The following DCAF17 variants were observed in gnomAD, a reference collection of about 807,000 sequenced individuals.
DCAF17 encodes DDB1 and CUL4 associated factor 17.
DCAF17 carries 48 observed loss-of-function variants against 66.0 expected under a neutral mutation model. That is an observed-to-expected ratio of 0.73 (90% CI 0.58 to 0.92). The LOEUF (loss-of-function observed/expected upper bound fraction) is 0.92, where lower values mean the gene tolerates loss of function less well. Ranked by LOEUF, DCAF17 falls within the 40% of genes least tolerant of loss-of-function variation. DCAF17 has a pLI of 0.00. For missense variants in DCAF17, 562 were observed against 622.8 expected (o/e 0.90, Z 1.04); for synonymous variants, 206 against 214.6 (o/e 0.96, Z 0.35).
intron 8 of DCAF17, among the ~76,000 whole-genome samples, chr2:171,462,694 CT>C (rs1406612716): frequency 2.0e-5 from 3 of 152,150 alleles, no homozygotes; most frequent in Non-Finnish European, 4.4e-5. Context: ...AACCCAGCAA[CT>C]TCAGTACTAG....
intron 5 of DCAF17, among the ~76,000 whole-genome samples, chr2:171,452,112 C>A (rs1694988833): frequency 6.6e-6 from 1 of 152,050 alleles, no homozygotes; most frequent in Admixed American, 6.5e-5. Context: ...AAGGGAGAAT[C>A]TTTTGGGCTT....
At chr2:171,467,858 G>C (rs545333554) in intron 8 of DCAF17, among the ~76,000 whole-genome samples, 1 of 151,440 alleles carries the variant, frequency 6.6e-6, no homozygotes, top group South Asian at 2.1e-4. Flanking sequence ...GCTCTAAGTA[G>C]TACATTGTCC....
At position 171,481,053 on chromosome 2, in the gene DCAF17, A is replaced by T. The variant is rs192590459; in HGVS notation, c.1502A>T (p.Tyr501Phe). 1.2e-6 allele frequency: 2 copies of T among 1,613,818 alleles called. No individual in the cohort carries two copies. Among genetic ancestry groups the T allele is most frequent in the South Asian group, 1.1e-5 (1 of 91,076 alleles). The change falls in exon 14 of 14, where the codon TAT becomes TTT. Residue 501 changes from tyrosine (Y) to phenylalanine (F), a missense_variant. Tyr to Phe is a conservative substitution (Grantham distance 22). Transcript: ENST00000375255. Reference sequence around the variant, plus strand: ...AAACCCAACAGAGTCTTCAGCTGCTATGTTTACCAGATGATATGTGACACT... The same window carrying T: ...AAACCCAACAGAGTCTTCAGCTGCTTTGTTTACCAGATGATATGTGACACT... ...EQKPNRVFSC[Y>F]VYQMICDTGE...
chr2:171,468,976 TAAG>T lies in DCAF17; in HGVS notation c.933_935del (p.Lys312del), dbSNP rs1559285049. ...CTTGGCACTACATCGTCACACCTAATAAGAAGAAACAGAAAGGAGTTTTCCATA... is the reference window on the plus strand; with the variant it reads ...CTTGGCACTACATCGTCACACCTAATAAGAAACAGAAAGGAGTTTTCCATA... On this transcript the variant is annotated inframe_deletion, in exon 9 of 14. Coordinates refer to ENST00000375255, the MANE Select transcript of DCAF17 (RefSeq NM_025000.4). 3 of 1,613,944 alleles carry T rather than the reference TAAG, an allele frequency of 1.9e-6. No individual in the cohort carries two copies. The highest frequency in any genetic ancestry group is 4.5e-5 in the East Asian group (2 of 44,882).
At chr2:171,442,771 T>G (rs552834335) in intron 2 of DCAF17, among the ~76,000 whole-genome samples, 3 of 151,730 alleles carry the variant, frequency 2.0e-5, no homozygotes, top group Non-Finnish European at 4.4e-5. Context: ...TCCCAGTTAC[T>G]TGGGAGGCTG....
chr2:171,435,270 A>AG, intron 2 of DCAF17, 84 bp downstream of exon 2: 3 of 1,014,966 alleles, frequency 3.0e-6, no homozygotes, highest in Non-Finnish European at 4.7e-6. Flanking sequence ...TGCCTACATT[A>AG]GTGCCTAGTG....
In DCAF17 at chr2:171,476,850, C is replaced by G; in HGVS notation, c.1092-10C>G. On this transcript the variant is annotated splice_polypyrimidine_tract_variant and intron_variant, in intron 10 of 13. Coordinates refer to ENST00000375255, the MANE Select transcript of DCAF17 (RefSeq NM_025000.4). ...GTCTTAGGTTCTCAGAATCCTTTTT[C>G]CCTTCTCAGAGTTTTGAAGCTAACT... 6.2e-7 allele frequency: 1 copy of G among 1,604,856 alleles called. No homozygotes were observed. Among genetic ancestry groups the G allele is most frequent in the Non-Finnish European group, 8.5e-7 (1 of 1,171,958 alleles).
Position 171,444,505 on chromosome 2 carries a change from G to A in DCAF17, c.321+892G>A, listed in dbSNP as rs537344929. Among the ~76,000 whole-genome samples the A allele has an allele frequency of 1.6e-4, 25 of 152,252 alleles. No individual in the cohort carries two copies. In the South Asian group the frequency reaches 2.5e-3, roughly 15 times the overall value. ...TATAAGATAGATATGAAACATAAAT[G>A]AATTTTGTGTTTAGACTTGGGTCCC... On this transcript the variant is annotated intron_variant, in intron 3 of 13. Coordinates refer to ENST00000375255, the MANE Select transcript of DCAF17 (RefSeq NM_025000.4).
In DCAF17 at chr2:171,483,414, G is replaced by A. The variant is rs1411580937; in HGVS notation, c.*2300G>A. ...GCAGGTACAGACGTTACGCTGAAAA[G>A]AGGTGCATTCTGCATTGCACTCCTG... On this transcript the variant is annotated 3_prime_UTR_variant, in exon 14 of 14. Coordinates refer to ENST00000375255, the MANE Select transcript of DCAF17 (RefSeq NM_025000.4). 1 of 454,110 alleles carries A rather than the reference G, an allele frequency of 2.2e-6. No homozygotes were observed. The highest frequency in any genetic ancestry group is 6.9e-5 in the East Asian group (1 of 14,396). The allele number at this position is 454,110 out of a possible 1,614,324, so 28.1% of individuals were successfully genotyped here.
rs1375270689 is a variant in DCAF17 at position 171,481,728 on chromosome 2, G to T, written c.*614G>T. 2 of 453,760 alleles carry T rather than the reference G, an allele frequency of 4.4e-6. No individual in the cohort carries two copies. The highest frequency in any genetic ancestry group is 8.8e-6 in the Non-Finnish European group (2 of 226,656). 28.1% of individuals were successfully genotyped at this position (453,760 alleles called of 1,614,324 possible). A position where few individuals can be genotyped will look rare whatever the true frequency, so the allele number is the denominator to read the frequency against. On this transcript the variant is annotated 3_prime_UTR_variant, in exon 14 of 14. Coordinates refer to ENST00000375255, the MANE Select transcript of DCAF17 (RefSeq NM_025000.4). ...AAATTATCTTTTCTTCCTTGGTTTT[G>T]TTCTCTTGGCTTGATGTTCACATTG... is the stretch of plus-strand genomic sequence containing the variant.
chr2:171,480,518 C>G (rs1488783887), intron 13 of DCAF17, among the ~76,000 whole-genome samples: 2 of 152,084 alleles, frequency 1.3e-5, no homozygotes, highest in African/African-American at 4.8e-5. Flanking sequence ...CGGTAATCCC[C>G]ACAATTATTT....
rs1307703727 is a variant in DCAF17 at position 171,458,496 on chromosome 2, A to G, written c.838+19A>G. 6.4e-7 allele frequency: 1 copy of G among 1,569,628 alleles called. No homozygotes were observed. Among genetic ancestry groups the G allele is most frequent in the Admixed American group, 1.7e-5 (1 of 59,754 alleles). On this transcript the variant is annotated intron_variant, in intron 8 of 13. Coordinates refer to ENST00000375255, the MANE Select transcript of DCAF17 (RefSeq NM_025000.4). ...ATCACAGGTATGGCTACTCTATAGT[A>G]TTTTTTCACCTTAAAAAAATTAAGT...
At chr2:171,474,276 GA>G in intron 10 of DCAF17, 1 of 377,072 alleles carries the variant, frequency 2.7e-6, no homozygotes, top group South Asian at 2.6e-5. Context: ...TAAGAAAGAA[GA>G]GTATTTGTCT....
rs757589748 is a variant in DCAF17, at chr2:171,483,248, C to T, written c.*2134C>T. ...ATGTCTTCCTGCCCTACCTAAACCC[C>T]CTCTTTACCTGATATTTTAATTCGA... On this transcript the variant is annotated 3_prime_UTR_variant, in exon 14 of 14. Transcript: ENST00000375255. The T allele has an allele frequency of 1.1e-4, 48 of 453,968 alleles. No homozygotes were observed. The highest frequency in any genetic ancestry group is 8.0e-4 in the African/African-American group (40 of 49,976). The allele number at this position is 453,968 out of a possible 1,614,324, so 28.1% of individuals were successfully genotyped here.
chr2:171,475,787 G>A (rs1468606965), intron 10 of DCAF17, among the ~76,000 whole-genome samples: 2 of 152,054 alleles, frequency 1.3e-5, no homozygotes, highest in African/African-American at 2.4e-5. Context: ...ATAACAAAGG[G>A]AAGTGTCTGC....
At chr2:171,440,994 G>A (rs747343455) in intron 2 of DCAF17, among the ~76,000 whole-genome samples, 9 of 152,194 alleles carry the variant, frequency 5.9e-5, no homozygotes, top group Non-Finnish European at 1.3e-4. Context: ...CAGCTTTTGA[G>A]ATTTGTTCTA....
At chr2:171,437,553 C>A (rs1694045867) in intron 2 of DCAF17, among the ~76,000 whole-genome samples, 1 of 152,182 alleles carries the variant, frequency 6.6e-6, no homozygotes, top group African/African-American at 2.4e-5. Context: ...CTGGGCTTGG[C>A]ACTTTCTGTT....
chr2:171,448,664 TC>T lies in DCAF17; in HGVS notation c.322-16del. 1.3e-6 allele frequency: 2 copies of T among 1,532,822 alleles called. No individual in the cohort carries two copies. The highest frequency in any genetic ancestry group is 1.8e-6 in the Non-Finnish European group (2 of 1,142,016). The allele number at this position is 1,532,822 out of a possible 1,614,324, so 95.0% of individuals were successfully genotyped here. On this transcript the variant is annotated splice_polypyrimidine_tract_variant and intron_variant, in intron 3 of 13. Coordinates refer to ENST00000375255, the MANE Select transcript of DCAF17 (RefSeq NM_025000.4). ...GGCCAAGCAGTTTCATTTTTATATC[TC>T]TCTTTTTTTTTTTAGGGAGATATAC...
intron 12 of DCAF17, among the ~76,000 whole-genome samples, chr2:171,478,664 T>C (rs1696610049): frequency 6.6e-6 from 1 of 152,208 alleles, no homozygotes; most frequent in African/African-American, 2.4e-5. Flanking sequence ...AAATTCTAAA[T>C]CCATTTAGAC....
Sources: allele counts gnomAD v4.1 joint callset (sites outside exome capture counted in the v4.1 genomes callset), GRCh38; gene constraint gnomAD v4.1.1; transcripts MANE v1.5; gene names NCBI Gene and HGNC (gene_info 2026-07-23, HGNC 2026-07-21).